Variants in LUZP2 observed in about 807,000 individuals in gnomAD.
The protein encoded by LUZP2 is leucine zipper protein 2.
LUZP2 carries 52 observed loss-of-function variants against 51.6 expected under a neutral mutation model. The observed-to-expected ratio is 1.01, with a 90% CI of 0.81 to 1.27. The LOEUF is 1.27. LUZP2 is among the 50% of genes most tolerant of loss of function. LUZP2 has a pLI of 0.00. For missense variants in LUZP2, 436 were observed against 395.4 expected, an observed-to-expected ratio of 1.10 and a Z score of -0.87; for synonymous variants, 154 against 137.3, an observed-to-expected ratio of 1.12 and a Z score of -0.85.
At chr11:24,652,245 A>G (rs61875710) in intron 1 of LUZP2, among the ~76,000 whole-genome samples, 4,652 of 152,268 alleles carry the variant, frequency 0.031, 117 homozygotes, top group Admixed American at 0.076. Flanking sequence ...AGCTCTTTGC[A>G]TTACACCTTC....
chr11:24,852,238 C>T (rs1410706361), intron 5 of LUZP2, among the ~76,000 whole-genome samples: 1 of 152,144 alleles, frequency 6.6e-6, no homozygotes, highest in Non-Finnish European at 1.5e-5. Context: ...CTCCTGTGGG[C>T]ATTTAGTGAT....
At chr11:24,952,062 A>G (rs911238535) in intron 7 of LUZP2, among the ~76,000 whole-genome samples, 3 of 151,718 alleles carry the variant, frequency 2.0e-5, no homozygotes, top group Non-Finnish European at 4.4e-5. Context: ...AGATGTATTT[A>G]CTGGCAACTG....
chr11:25,016,933 T>TC lies in LUZP2; in HGVS notation c.766-33104dup, dbSNP rs1214584796. On this transcript the variant is annotated intron_variant, in intron 9 of 11. Coordinates refer to ENST00000336930, the MANE Select transcript of LUZP2 (RefSeq NM_001009909.4). ...CCTTTTCATCACTTCCTTGCCGACA[T>TC]CATTTTTTTTTTACTTTTTAGTAAT... 1.6e-4 allele frequency among the ~76,000 whole-genome samples: 20 copies of TC among 122,792 alleles called. 2 individuals are homozygous for TC. In the East Asian group the frequency reaches 4.0e-3, roughly 25 times the overall value. 80.6% of individuals were successfully genotyped at this position (122,792 alleles called of 152,430 possible).
chr11:25,070,769 T>TGG (rs1360755623), intron 10 of LUZP2, among the ~76,000 whole-genome samples: 4 of 103,866 alleles, frequency 3.9e-5, no homozygotes, highest in Non-Finnish European at 8.0e-5. Context: ...TGACTGTGTA[T>TGG]GGTGTGTGTG....
intron 1 of LUZP2, among the ~76,000 whole-genome samples, chr11:24,537,781 T>C (rs1851225810): frequency 6.6e-6 from 1 of 151,918 alleles, no homozygotes; most frequent in South Asian, 2.1e-4. Flanking sequence ...GACATTTTAA[T>C]GCAAGAATCT....
intron 7 of LUZP2, among the ~76,000 whole-genome samples, chr11:24,974,773 A>G (rs1034228722): frequency 1.9e-5 from 2 of 104,080 alleles, no homozygotes; most frequent in African/African-American, 3.0e-5. Context: ...TACAATATAG[A>G]TAAACTTAGC....
intron 5 of LUZP2, among the ~76,000 whole-genome samples, chr11:24,765,630 T>C (rs28501599): frequency 7.2e-6 from 1 of 138,410 alleles, no homozygotes; most frequent in Admixed American, 7.3e-5. Flanking sequence ...TTCTTTTTTC[T>C]TTTTTTTTTT....
At chr11:24,607,994 G>T (rs1853989605) in intron 1 of LUZP2, among the ~76,000 whole-genome samples, 1 of 151,780 alleles carries the variant, frequency 6.6e-6, no homozygotes, top group African/African-American at 2.4e-5. Context: ...GACTACAGAT[G>T]TCCGCCACCA....
chr11:24,631,105 A>G (rs1854874141), intron 1 of LUZP2, among the ~76,000 whole-genome samples: 1 of 151,922 alleles, frequency 6.6e-6, no homozygotes, highest in Admixed American at 6.6e-5. Flanking sequence ...TGCCATCTTT[A>G]GGTTTTTCTA....
intron 1 of LUZP2, among the ~76,000 whole-genome samples, chr11:24,584,550 G>C (rs1260953068): frequency 1.3e-5 from 2 of 152,172 alleles, no homozygotes; most frequent in African/African-American, 4.8e-5. Flanking sequence ...AGAGCCCTCA[G>C]TAAAGTTTTG....
chr11:24,637,017 T>C (rs1481956007), intron 1 of LUZP2, among the ~76,000 whole-genome samples: 1 of 151,694 alleles, frequency 6.6e-6, no homozygotes, highest in African/African-American at 2.4e-5. Context: ...AAGCTAAAAA[T>C]GTTGATTAAC....
At chr11:24,745,751 C>A (rs551499382) in intron 4 of LUZP2, among the ~76,000 whole-genome samples, 2 of 152,208 alleles carry the variant, frequency 1.3e-5, no homozygotes, top group South Asian at 2.1e-4. Context: ...AATCTTGGCT[C>A]ACTGCAACCT....
At chr11:24,921,682 A>G (rs1854062567) in intron 7 of LUZP2, among the ~76,000 whole-genome samples, 2 of 152,106 alleles carry the variant, frequency 1.3e-5, no homozygotes, top group African/African-American at 2.4e-5. Flanking sequence ...TAACTCCTAT[A>G]TTAGTATTAT....
intron 5 of LUZP2, among the ~76,000 whole-genome samples, chr11:24,793,557 T>A (rs369178782): frequency 3.9e-5 from 6 of 152,124 alleles, no homozygotes; most frequent in African/African-American, 1.4e-4. Context: ...CCTGACAAAA[T>A]TAAACTGCTG....
chr11:24,986,727 AACTC>A (rs1038632872), intron 9 of LUZP2, among the ~76,000 whole-genome samples: 1 of 151,734 alleles, frequency 6.6e-6, no homozygotes, highest in Admixed American at 6.6e-5. Context: ...ATTCTGAAAA[AACTC>A]ACTTTGTATA....
At chr11:24,558,141 A>G (rs980723993) in intron 1 of LUZP2, among the ~76,000 whole-genome samples, 1 of 152,086 alleles carries the variant, frequency 6.6e-6, no homozygotes, top group Non-Finnish European at 1.5e-5. Context: ...TTGGATGTCA[A>G]AATTCCAGGT....
intron 1 of LUZP2, among the ~76,000 whole-genome samples, chr11:24,714,078 AC>A (rs1565093931): frequency 6.6e-6 from 1 of 152,026 alleles, no homozygotes; most frequent in African/African-American, 2.4e-5. Context: ...AAAACTACTT[AC>A]ATAGCATTTA....
intron 5 of LUZP2, among the ~76,000 whole-genome samples, chr11:24,766,287 C>T (rs377112481): frequency 6.6e-6 from 1 of 152,048 alleles, no homozygotes; most frequent in South Asian, 2.1e-4. Flanking sequence ...TATTTCCTTG[C>T]ATCAAATAAT....
intron 5 of LUZP2, among the ~76,000 whole-genome samples, chr11:24,795,977 G>T (rs1023874597): frequency 6.6e-6 from 1 of 152,018 alleles, no homozygotes; most frequent in South Asian, 2.1e-4. Context: ...CAGGTGATCC[G>T]TTCCCTTCCA....
Sources: allele counts gnomAD v4.1 joint callset (sites outside exome capture counted in the v4.1 genomes callset), GRCh38; gene constraint gnomAD v4.1.1; transcripts MANE v1.5; gene names NCBI Gene and HGNC (gene_info 2026-07-23, HGNC 2026-07-21).